PRKG1: variants seen among roughly 807,000 people sequenced by gnomAD.
The protein encoded by PRKG1 is protein kinase cGMP-dependent 1.
PRKG1 carries 35 observed loss-of-function variants against 88.1 expected under a neutral mutation model. The ratio of observed to expected loss-of-function variants is 0.40; its 90% CI spans 0.30 to 0.53. The LOEUF (loss-of-function observed/expected upper bound fraction) is 0.53. PRKG1 is among the 20% of genes least tolerant of loss of function. The pLI is 0.59. For synonymous variants in PRKG1, 303 were observed against 292.5 expected, an observed-to-expected ratio of 1.04 and a Z score of -0.37; for missense variants, 540 against 839.8, an observed-to-expected ratio of 0.64 and a Z score of 4.41.
chr10:52,153,702 G>C (rs1838004924), intron 8 of PRKG1, among the ~76,000 whole-genome samples: 1 of 152,090 alleles, frequency 6.6e-6, no homozygotes, highest in African/African-American at 2.4e-5. Flanking sequence ...TGATTTTAAA[G>C]TAGTATCAGC....
intron 8 of PRKG1, among the ~76,000 whole-genome samples, chr10:52,134,823 C>A (rs1837361385): frequency 6.6e-6 from 1 of 152,072 alleles, no homozygotes; most frequent in African/African-American, 2.4e-5. Context: ...ATTTACAAAC[C>A]TCACTTTGAG....
At chr10:52,050,963 G>A (rs551984268) in intron 5 of PRKG1, among the ~76,000 whole-genome samples, 1 of 152,146 alleles carries the variant, frequency 6.6e-6, no homozygotes, top group Admixed American at 6.6e-5. Flanking sequence ...GATTTCTGCA[G>A]CTGGGGTTAG....
chr10:52,013,530 C>A (rs767134617), intron 5 of PRKG1, among the ~76,000 whole-genome samples: 1 of 152,014 alleles, frequency 6.6e-6, no homozygotes, highest in African/African-American at 2.4e-5. Flanking sequence ...ATGGGTGGAA[C>A]TCTTCTAGTT....
intron 1 of PRKG1, among the ~76,000 whole-genome samples, chr10:50,994,796 G>A (rs1842819408): frequency 7.7e-6 from 1 of 130,204 alleles, no homozygotes; most frequent in Admixed American, 8.4e-5. Context: ...AACCAACTGA[G>A]GATCAAAACT....
intron 1 of PRKG1, among the ~76,000 whole-genome samples, chr10:51,118,062 G>A (rs952055592): frequency 6.6e-6 from 1 of 152,128 alleles, no homozygotes; most frequent in Middle Eastern, 3.2e-3. Context: ...GAGGGGAAGG[G>A]AAGTTGAATT....
At chr10:51,104,336 A>G (rs943169879) in intron 1 of PRKG1, among the ~76,000 whole-genome samples, 4 of 152,214 alleles carry the variant, frequency 2.6e-5, no homozygotes, top group Non-Finnish European at 5.9e-5. Context: ...CTCTTTGTAC[A>G]ATCTTCACAT....
intron 4 of PRKG1, among the ~76,000 whole-genome samples, chr10:51,896,952 G>A (rs1011567286): frequency 2.0e-5 from 3 of 152,082 alleles, no homozygotes; most frequent in Admixed American, 2.0e-4. Context: ...CTATTAATAG[G>A]TTGTGGCCAT....
At chr10:51,131,375 C>G (rs904535789) in intron 1 of PRKG1, among the ~76,000 whole-genome samples, 2 of 152,186 alleles carry the variant, frequency 1.3e-5, no homozygotes, top group African/African-American at 4.8e-5. Flanking sequence ...TCCACATTAA[C>G]AGTACTACAG....
At chr10:52,190,731 C>T (rs912203352) in intron 9 of PRKG1, among the ~76,000 whole-genome samples, 1 of 152,130 alleles carries the variant, frequency 6.6e-6, no homozygotes, top group Non-Finnish European at 1.5e-5. Context: ...GCATAAGATA[C>T]TTTTGTAAAC....
intron 3 of PRKG1, among the ~76,000 whole-genome samples, chr10:51,632,011 C>A (rs542592187): frequency 6.6e-6 from 1 of 152,146 alleles, no homozygotes; most frequent in Non-Finnish European, 1.5e-5. Context: ...GTCCAACCTG[C>A]GGCTGGTGAA....
At chr10:51,957,182 C>T (rs1345565301) in intron 5 of PRKG1, among the ~76,000 whole-genome samples, 1 of 141,722 alleles carries the variant, frequency 7.1e-6, no homozygotes, top group Non-Finnish European at 1.5e-5. Flanking sequence ...TTACTTCCTT[C>T]CTTCCTCCCT....
chr10:51,333,423 A>G (rs1367389671), intron 2 of PRKG1, among the ~76,000 whole-genome samples: 3 of 152,220 alleles, frequency 2.0e-5, no homozygotes, highest in Non-Finnish European at 4.4e-5. Flanking sequence ...CAGTTTTACT[A>G]AGGTACATGG....
rs555575297 is a variant in PRKG1 at position 51,327,572 on chromosome 10, A to G, written c.479-140151A>G. ...GTCAGAGATATGTTCAAAGAAATGC[A>G]TTGTTAGGTAATTTTATTGTGCAGA... On this transcript the variant is annotated intron_variant, in intron 2 of 17. Transcript: ENST00000373980. Among the ~76,000 whole-genome samples, 3 of 152,306 alleles carry G rather than the reference A, an allele frequency of 2.0e-5. No individual in the cohort carries two copies. The South Asian group carries it at 6.2e-4, about 32-fold the overall frequency.
intron 3 of PRKG1, among the ~76,000 whole-genome samples, chr10:51,573,855 C>T (rs1395414239): frequency 6.6e-6 from 1 of 151,822 alleles, no homozygotes; most frequent in East Asian, 1.9e-4. Flanking sequence ...TATATAAGCA[C>T]CTTGACAGTT....
intron 9 of PRKG1, among the ~76,000 whole-genome samples, chr10:52,166,819 G>GTATATATATATGTA (rs370403466): frequency 1.8e-5 from 1 of 55,314 alleles, no homozygotes; most frequent in African/African-American, 5.5e-5. Flanking sequence ...GTATATATAT[G>GTATATATATATGTA]TATATATATG....
intron 5 of PRKG1, among the ~76,000 whole-genome samples, chr10:51,967,987 G>C (rs147352992): frequency 0.011 from 1,692 of 152,282 alleles, 24 homozygotes; most frequent in African/African-American, 0.037. Flanking sequence ...ATCTTTCTCT[G>C]TTGGAGAAAG....
At chr10:51,979,152 G>A (rs967997403) in intron 5 of PRKG1, among the ~76,000 whole-genome samples, 1 of 152,000 alleles carries the variant, frequency 6.6e-6, no homozygotes, top group East Asian at 1.9e-4. Flanking sequence ...CTAGTTTATT[G>A]AGAGTTTTGA....
chr10:51,658,359 A>G (rs896802110), intron 3 of PRKG1, among the ~76,000 whole-genome samples: 30 of 152,126 alleles, frequency 2.0e-4, no homozygotes, highest in Non-Finnish European at 4.4e-5. Flanking sequence ...CTTTCTCTCC[A>G]GGATTACCAT....
In PRKG1 at chr10:51,564,279, A is replaced by G. The variant is rs147991175; in HGVS notation, c.592+96443A>G. 2.2e-3 allele frequency among the ~76,000 whole-genome samples: 330 copies of G among 152,202 alleles called. 4 individuals are homozygous for G. The highest frequency in any genetic ancestry group is 7.8e-3 in the African/African-American group (322 of 41,544). On this transcript the variant is annotated intron_variant, in intron 3 of 17. Coordinates refer to ENST00000373980, the MANE Select transcript of PRKG1 (RefSeq NM_006258.4). ...ATATGTACTAATGGGAAAAAGCTAG[A>G]CAATTGATAAAATATATAAGGAGAT...
Sources: gnomAD v4.1 joint callset for allele counts (sites outside exome capture counted in the v4.1 genomes callset) on GRCh38, gnomAD v4.1.1 for gene constraint, MANE v1.5 for transcripts, NCBI Gene and HGNC (gene_info 2026-07-23, HGNC 2026-07-21) for gene names.